TMEM182: variants seen among roughly 807,000 people sequenced by gnomAD.
TMEM182 encodes the protein transmembrane protein 182.
A neutral mutation model predicts 26.8 loss-of-function variants in TMEM182; 20 were observed. The ratio of observed to expected loss-of-function variants is 0.75; its 90% CI spans 0.53 to 1.09. The LOEUF (loss-of-function observed/expected upper bound fraction) is 1.09. TMEM182 is among the 50% of genes least tolerant of loss of function. The pLI is 0.00. For missense variants in TMEM182, 277 were observed against 275.5 expected, an observed-to-expected ratio of 1.01 and a Z score of -0.04; for synonymous variants, 109 against 102.2, an observed-to-expected ratio of 1.07 and a Z score of -0.40.
chr2:102,826,607 C>T (rs970781912), intron 3 of TMEM182, among the ~76,000 whole-genome samples: 1 of 152,082 alleles, frequency 6.6e-6, no homozygotes, highest in Non-Finnish European at 1.5e-5. Context: ...TTTTGAATTG[C>T]CGTACCATGT....
At chr2:102,808,681 A>T (rs1423309774) in intron 4 of TMEM182, among the ~76,000 whole-genome samples, 1 of 152,210 alleles carries the variant, frequency 6.6e-6, no homozygotes, top group Non-Finnish European at 1.5e-5. Context: ...AACAACCCAA[A>T]TGTTTATCAG....
At chr2:102,786,208 C>CGG (rs1681383025) in intron 3 of TMEM182, among the ~76,000 whole-genome samples, 1 of 98,468 alleles carries the variant, frequency 1.0e-5, no homozygotes, top group African/African-American at 4.0e-5. Flanking sequence ...ACTCAGCAAT[C>CGG]TGTTTTTTTT....
intron 3 of TMEM182, among the ~76,000 whole-genome samples, chr2:102,794,792 C>T (rs900136249): frequency 4.0e-5 from 6 of 151,876 alleles, no homozygotes; most frequent in African/African-American, 9.7e-5. Context: ...GGAGTTTATT[C>T]GCTTTGGAGT....
chr2:102,782,422 A>G (rs1243906108), intron 3 of TMEM182, among the ~76,000 whole-genome samples: 2 of 152,192 alleles, frequency 1.3e-5, no homozygotes, highest in Admixed American at 1.3e-4. Flanking sequence ...AAAATTATTA[A>G]TACCACAATA....
chr2:102,786,755 T>G (rs1681411346), intron 3 of TMEM182, among the ~76,000 whole-genome samples: 1 of 152,182 alleles, frequency 6.6e-6, no homozygotes, highest in African/African-American at 2.4e-5. Context: ...TGGTAAATTG[T>G]TGATTCTCTA....
At chr2:102,778,846 C>T (rs1450651079) in intron 3 of TMEM182, among the ~76,000 whole-genome samples, 3 of 152,094 alleles carry the variant, frequency 2.0e-5, no homozygotes, top group Non-Finnish European at 4.4e-5. Flanking sequence ...CAACATCTTA[C>T]TCTTTTTGCT....
At chr2:102,842,240 G>T (rs146011562) in intron 3 of TMEM182, among the ~76,000 whole-genome samples, 1,646 of 152,178 alleles carry the variant, frequency 0.011, 31 homozygotes, top group African/African-American at 0.038. Flanking sequence ...TTATCTGTAT[G>T]CTCCTACCTC....
At chr2:102,741,998 G>A (rs535078591) in intron 1 of TMEM182, among the ~76,000 whole-genome samples, 1 of 152,338 alleles carries the variant, frequency 6.6e-6, no homozygotes, top group Admixed American at 6.5e-5. Context: ...TACGATGTGT[G>A]CTAAAAGACA....
intron 1 of TMEM182, 116 bp from the exon 2 acceptor site, chr2:102,762,471 G>C (rs918487745): frequency 2.0e-6 from 3 of 1,522,644 alleles, no homozygotes; most frequent in Non-Finnish European, 1.8e-6. Flanking sequence ...TATGTAGAAA[G>C]CTACTGAGCT....
intron 1 of TMEM182, among the ~76,000 whole-genome samples, chr2:102,738,070 CCT>C (rs762928376): frequency 1.4e-4 from 21 of 152,132 alleles, no homozygotes; most frequent in Non-Finnish European, 1.5e-4. Context: ...TTCTGAGACT[CCT>C]TTGCAGGAGA....
At chr2:102,787,037 C>T (rs966713379) in intron 3 of TMEM182, among the ~76,000 whole-genome samples, 3 of 152,188 alleles carry the variant, frequency 2.0e-5, no homozygotes, top group Admixed American at 6.5e-5. Context: ...TGGCCAAGGT[C>T]GCACACCCGG....
intron 4 of TMEM182, among the ~76,000 whole-genome samples, chr2:102,812,973 T>A (rs1034373051): frequency 1.2e-4 from 19 of 152,198 alleles, no homozygotes; most frequent in African/African-American, 4.3e-4. Context: ...AAATCTGAGG[T>A]ATGGCGTTGT....
At chr2:102,821,815 C>T (rs557217240), downstream of TMEM182, among the ~76,000 whole-genome samples, 22 of 151,960 alleles carry the variant, frequency 1.4e-4, no homozygotes, top group Non-Finnish European at 2.6e-4. Context: ...GGTGAAATCC[C>T]GTCTCTACTA....
chr2:102,791,849 A>G (rs1206032128), intron 3 of TMEM182, among the ~76,000 whole-genome samples: 1 of 152,150 alleles, frequency 6.6e-6, no homozygotes, highest in Non-Finnish European at 1.5e-5. Context: ...CTTCAAAGAC[A>G]AGGCTGTGTA....
chr2:102,794,968 AC>A (rs1346391634), intron 3 of TMEM182, among the ~76,000 whole-genome samples: 1 of 151,960 alleles, frequency 6.6e-6, no homozygotes, highest in Non-Finnish European at 1.5e-5. Context: ...AGCCTTTGAA[AC>A]TTCATTTATT....
chr2:102,738,794 A>G (rs1679459257), intron 1 of TMEM182, among the ~76,000 whole-genome samples: 1 of 152,162 alleles, frequency 6.6e-6, no homozygotes, highest in Admixed American at 6.5e-5. Flanking sequence ...AGGCAGCTCT[A>G]GTAGTTTAGT....
chr2:102,749,158 T>C (rs537069288), intron 1 of TMEM182, among the ~76,000 whole-genome samples: 1 of 152,274 alleles, frequency 6.6e-6, no homozygotes, highest in Non-Finnish European at 1.5e-5. Context: ...TTCTAAAAAG[T>C]AGAAGAACAC....
chr2:102,763,844 A>C (rs1383053298), intron 2 of TMEM182, among the ~76,000 whole-genome samples: 3 of 152,238 alleles, frequency 2.0e-5, no homozygotes, highest in Non-Finnish European at 2.9e-5. Context: ...TCAAATATTA[A>C]AAATTTATTT....
At chr2:102,750,057 G>A (rs1043056508) in intron 1 of TMEM182, among the ~76,000 whole-genome samples, 7 of 151,362 alleles carry the variant, frequency 4.6e-5, no homozygotes, top group African/African-American at 1.5e-4. Flanking sequence ...AAATGAAGCA[G>A]GAAAAGATGG....
Sources: gnomAD v4.1 joint callset for allele counts (sites outside exome capture counted in the v4.1 genomes callset) on GRCh38, gnomAD v4.1.1 for gene constraint, MANE v1.5 for transcripts, NCBI Gene and HGNC (gene_info 2026-07-23, HGNC 2026-07-21) for gene names.